RBFOX1: variants seen among roughly 807,000 people sequenced by gnomAD.
RBFOX1 encodes the protein RNA binding protein fox-1 homolog 1.
Under a neutral mutation model 57.7 loss-of-function variants are expected in RBFOX1, and 8 were observed. That is an observed-to-expected ratio of 0.14 (90% CI 0.08 to 0.25). RBFOX1 has a LOEUF of 0.25. RBFOX1 is among the 10% of genes least tolerant of loss of function. The probability of loss-of-function intolerance (pLI) is 1.00; values close to 1 mark genes in which losing one functional copy is unlikely to be tolerated. For missense variants in RBFOX1, 611 were observed against 548.5 expected (o/e 1.11, Z -1.14); for synonymous variants, 326 against 222.4 (o/e 1.47, Z -4.15).
At chr16:7,190,684 C>G (rs1390564690) in intron 4 of RBFOX1, among the ~76,000 whole-genome samples, 1 of 151,750 alleles carries the variant, frequency 6.6e-6, no homozygotes, top group Non-Finnish European at 1.5e-5. Context: ...CCCCAGAAAT[C>G]AGTGCCATTC....
At chr16:7,634,605 A>G (rs188629554) in intron 11 of RBFOX1, among the ~76,000 whole-genome samples, 15 of 152,288 alleles carry the variant, frequency 9.8e-5, no homozygotes, top group Middle Eastern at 3.4e-3. Flanking sequence ...CATCCTAACA[A>G]TGTGACCCAG....
intron 3 of RBFOX1, among the ~76,000 whole-genome samples, chr16:6,779,423 G>C (rs941352043): frequency 6.6e-6 from 1 of 151,748 alleles, no homozygotes. Context: ...TACATTGGTG[G>C]ACACTCAGGT....
chr16:6,048,394 G>C (rs2095517102), intron 1 of RBFOX1, among the ~76,000 whole-genome samples: 1 of 152,088 alleles, frequency 6.6e-6, no homozygotes, highest in South Asian at 2.1e-4. Flanking sequence ...ATAAAGACTG[G>C]ATACCAGAAA....
chr16:6,917,786 C>G (rs763006865), intron 3 of RBFOX1, among the ~76,000 whole-genome samples: 3 of 152,174 alleles, frequency 2.0e-5, no homozygotes, highest in Non-Finnish European at 4.4e-5. Context: ...CTCTGTGGAT[C>G]TCAGTAGCAG....
chr16:7,297,907 T>C (rs770435010), intron 4 of RBFOX1, among the ~76,000 whole-genome samples: 6 of 152,136 alleles, frequency 3.9e-5, no homozygotes, highest in Non-Finnish European at 8.8e-5. Context: ...TTGTATGCAC[T>C]TCACATGACT....
intron 1 of RBFOX1, among the ~76,000 whole-genome samples, chr16:6,251,318 C>T (rs925192947): frequency 1.3e-5 from 2 of 151,996 alleles, no homozygotes; most frequent in African/African-American, 2.4e-5. Context: ...GGGGGGAAGC[C>T]CTGCTTGTGA....
At chr16:7,315,963 G>A (rs58803454) in intron 4 of RBFOX1, among the ~76,000 whole-genome samples, 1 of 152,128 alleles carries the variant, frequency 6.6e-6, no homozygotes, top group Non-Finnish European at 1.5e-5. Flanking sequence ...CCATATTACA[G>A]CATTTTGTAA....
intron 1 of RBFOX1, among the ~76,000 whole-genome samples, chr16:5,383,595 C>T (rs754381236): frequency 6.6e-6 from 1 of 152,210 alleles, no homozygotes; most frequent in Non-Finnish European, 1.5e-5. Flanking sequence ...GGTAGGAATG[C>T]ATAGTAAGTC....
rs1010501493 is a variant in RBFOX1 at position 5,808,442 on chromosome 16, C to G, written c.319-58861C>G. On this transcript the variant is annotated intron_variant, in intron 3 of 19. Transcript: ENST00000641259. The stretch of plus-strand genomic sequence containing the variant: ...CATATGAACTTTAAAGTAGTTTTTT[C>G]CAATTCTGTGAAGAAAGTCATTGGT... Among the ~76,000 whole-genome samples, 3 of 152,194 alleles carry G rather than the reference C, an allele frequency of 2.0e-5. No homozygotes were observed. The East Asian group carries it at 5.8e-4, about 29-fold the overall frequency.
chr16:6,107,133 G>T (rs1211207347), intron 1 of RBFOX1, among the ~76,000 whole-genome samples: 2 of 152,154 alleles, frequency 1.3e-5, no homozygotes, highest in Non-Finnish European at 2.9e-5. Flanking sequence ...TGGTGGTTGT[G>T]CCTTTGCTTT....
At chr16:6,822,698 C>A (rs1043358091) in intron 3 of RBFOX1, among the ~76,000 whole-genome samples, 1 of 152,128 alleles carries the variant, frequency 6.6e-6, no homozygotes, top group African/African-American at 2.4e-5. Context: ...TTTAAAGATC[C>A]AAGCTCTGCT....
intron 1 of RBFOX1, among the ~76,000 whole-genome samples, chr16:5,452,107 T>G (rs1638300): frequency 7.2e-5 from 10 of 139,502 alleles, no homozygotes; most frequent in African/African-American, 2.8e-4. Context: ...TTTATCTCTC[T>G]CTCTCTCTCT....
chr16:7,359,372 C>G (rs1222680065), intron 4 of RBFOX1, among the ~76,000 whole-genome samples: 1 of 149,850 alleles, frequency 6.7e-6, no homozygotes, highest in Non-Finnish European at 1.5e-5. Context: ...GTGTGTATAT[C>G]TGTGTATATG....
intron 3 of RBFOX1, among the ~76,000 whole-genome samples, chr16:5,674,572 T>C (rs1306598266): frequency 6.6e-6 from 1 of 152,212 alleles, no homozygotes; most frequent in African/African-American, 2.4e-5. Context: ...GAGCCCAGGT[T>C]CTGTTTGTTT....
intron 3 of RBFOX1, among the ~76,000 whole-genome samples, chr16:5,640,863 T>TAC: frequency 1.5e-5 from 2 of 137,708 alleles, no homozygotes; most frequent in Non-Finnish European, 3.1e-5. Context: ...ACACCATGGA[T>TAC]ACACACACAC....
intron 4 of RBFOX1, among the ~76,000 whole-genome samples, chr16:5,876,418 C>T (rs916771762): frequency 6.6e-6 from 1 of 152,240 alleles, no homozygotes; most frequent in South Asian, 2.1e-4. Context: ...GAGACTCACA[C>T]CCGAGGCTAT....
chr16:5,299,797 A>G (rs750049618), intron 1 of RBFOX1, among the ~76,000 whole-genome samples: 3 of 151,846 alleles, frequency 2.0e-5, no homozygotes, highest in African/African-American at 7.3e-5. Context: ...TTTTTTCCCT[A>G]TTGAACTAAC....
intron 3 of RBFOX1, among the ~76,000 whole-genome samples, chr16:5,796,662 C>T (rs1438380209): frequency 6.6e-6 from 1 of 152,112 alleles, no homozygotes; most frequent in Non-Finnish European, 1.5e-5. Flanking sequence ...TTGTCAATGC[C>T]CATTTGATAC....
intron 5 of RBFOX1, among the ~76,000 whole-genome samples, chr16:7,531,888 T>G (rs1359699663): frequency 6.6e-6 from 1 of 152,102 alleles, no homozygotes; most frequent in Non-Finnish European, 1.5e-5. Flanking sequence ...ACACACATCC[T>G]TCCCATCCCT....
Sources: gnomAD v4.1 joint callset for allele counts (sites outside exome capture counted in the v4.1 genomes callset) on GRCh38, gnomAD v4.1.1 for gene constraint, MANE v1.5 for transcripts, NCBI Gene and HGNC (gene_info 2026-07-23, HGNC 2026-07-21) for gene names.